GABBR2: variants seen among roughly 807,000 people sequenced by gnomAD.
GABBR2 encodes G-protein coupled receptor 51.
In GABBR2, 23 loss-of-function variants were observed where a neutral mutation model predicts 105.6. The observed-to-expected ratio is 0.22, with a 90% CI of 0.16 to 0.31. GABBR2 has a LOEUF of 0.31. Ranked by LOEUF, GABBR2 falls within the 10% of genes least tolerant of loss-of-function variation. The pLI is 1.00. For synonymous variants in GABBR2, 478 were observed against 499.7 expected (o/e 0.96, Z 0.58); for missense variants, 734 against 1,245.5 (o/e 0.59, Z 6.18).
At chr9:98,537,490 C>A (rs1400393643) in intron 3 of GABBR2, among the ~76,000 whole-genome samples, 2 of 151,950 alleles carry the variant, frequency 1.3e-5, no homozygotes, top group African/African-American at 4.8e-5. Context: ...TCACTGTCTC[C>A]CAAGTTAAAA....
rs114646811 is a variant in GABBR2, at chr9:98,352,099, T to C, written c.1893+10616A>G. On this transcript the variant is annotated intron_variant, in intron 13 of 18. Transcript: ENST00000259455. The stretch of plus-strand genomic sequence containing the variant: ...TTTCTTTGGCTGTAATCAACATCAG[T>C]GATTGCTGTGAATTTCTCAGTAGCT... Among the ~76,000 whole-genome samples, 393 of 152,330 alleles carry C rather than the reference T, an allele frequency of 2.6e-3. 2 individuals are homozygous for C. Among genetic ancestry groups the C allele is most frequent in the African/African-American group, 9.0e-3 (375 of 41,564 alleles).
At chr9:98,673,523 T>C (rs1830432417) in intron 1 of GABBR2, among the ~76,000 whole-genome samples, 1 of 151,998 alleles carries the variant, frequency 6.6e-6, no homozygotes, top group Admixed American at 6.6e-5. Flanking sequence ...TATTATACTT[T>C]ATAAGTATTT....
At chr9:98,657,616 A>C (rs1244998711) in intron 1 of GABBR2, among the ~76,000 whole-genome samples, 1 of 152,264 alleles carries the variant, frequency 6.6e-6, no homozygotes, top group Non-Finnish European at 1.5e-5. Flanking sequence ...CAACTCAGGT[A>C]ACTCAATGAT....
At chr9:98,583,172 A>G (rs1244026334) in intron 1 of GABBR2, among the ~76,000 whole-genome samples, 2 of 152,240 alleles carry the variant, frequency 1.3e-5, no homozygotes, top group Non-Finnish European at 2.9e-5. Flanking sequence ...AAAGGGAGCA[A>G]CTTTGCAGTG....
At chr9:98,321,007 A>G (rs533543484) in intron 13 of GABBR2, among the ~76,000 whole-genome samples, 9 of 152,194 alleles carry the variant, frequency 5.9e-5, no homozygotes, top group Non-Finnish European at 1.3e-4. Context: ...AAATAAAATA[A>G]AATTCAGGAA....
chr9:98,542,815 G>A (rs1221234104), intron 2 of GABBR2, among the ~76,000 whole-genome samples: 3 of 152,024 alleles, frequency 2.0e-5, no homozygotes, highest in South Asian at 2.1e-4. Context: ...GAATCATATC[G>A]CATTCATGGT....
chr9:98,614,661 C>T (rs371903828), intron 1 of GABBR2, among the ~76,000 whole-genome samples: 18 of 152,028 alleles, frequency 1.2e-4, no homozygotes, highest in African/African-American at 3.1e-4. Context: ...TGGACATGTA[C>T]ATCTGCAGTA....
intron 1 of GABBR2, among the ~76,000 whole-genome samples, chr9:98,591,455 T>G (rs1395365832): frequency 2.0e-5 from 3 of 151,950 alleles, no homozygotes; most frequent in Non-Finnish European, 4.4e-5. Flanking sequence ...ACCAGGGGAG[T>G]GCCGAGAGGG....
chr9:98,540,644 C>T lies in GABBR2; in HGVS notation c.630+1229G>A, dbSNP rs997808573. 4.6e-5 allele frequency among the ~76,000 whole-genome samples: 7 copies of T among 152,322 alleles called. No homozygotes were observed. The East Asian group carries it at 1.4e-3, about 29-fold the overall frequency. Reference sequence around the variant, plus strand: ...AGAGGCTGTGTGTCTGCCCCCACCGCTCCGGCTGAGGTCTGTCTAGACCCC... The same window carrying T: ...AGAGGCTGTGTGTCTGCCCCCACCGTTCCGGCTGAGGTCTGTCTAGACCCC... On this transcript the variant is annotated intron_variant, in intron 3 of 18. Coordinates refer to ENST00000259455, the MANE Select transcript of GABBR2 (RefSeq NM_005458.8).
intron 13 of GABBR2, among the ~76,000 whole-genome samples, chr9:98,329,641 C>G (rs77268642): frequency 6.0e-4 from 92 of 152,356 alleles, no homozygotes; most frequent in African/African-American, 2.1e-3. Flanking sequence ...GGGGCTCATT[C>G]TCTCTTGCCC....
At chr9:98,430,336 G>C (rs981821891) in intron 7 of GABBR2, among the ~76,000 whole-genome samples, 1 of 148,534 alleles carries the variant, frequency 6.7e-6, no homozygotes, top group African/African-American at 2.5e-5. Flanking sequence ...CTTAAGTTCT[G>C]TCTGGGACAT....
At position 98,388,864 on chromosome 9, in the gene GABBR2, G is replaced by A. The variant is rs1233292146; in HGVS notation, c.1519C>T (p.Arg507Trp). 1.2e-6 allele frequency: 2 copies of A among 1,612,716 alleles called. No homozygotes were observed. Among genetic ancestry groups the A allele is most frequent in the Non-Finnish European group, 1.7e-6 (2 of 1,179,274 alleles). ...ACCAGGGTGGCTTACTTCTGATTCC[G>A]GTTCTTGATGTTGAAGAAGAGAAAA... ...SAFLFFNIKNRNQKLIKMSSP... is the reference protein window; with the variant it reads ...SAFLFFNIKNWNQKLIKMSSP... Residue 507 changes from arginine (R) to tryptophan (W), a missense_variant, in exon 10 of 19, where the codon CGG becomes TGG. Around this residue, in one of 7 missense-constraint regions of GABBR2, gnomAD observed 370 missense variants for 648.9 expected, o/e 0.57. Coordinates refer to ENST00000259455, the MANE Select transcript of GABBR2 (RefSeq NM_005458.8). This position sits in a 1 kb window ranked among gnomAD's most constrained non-coding sequence, Gnocchi z 4.4.
At chr9:98,566,821 A>G (rs747969911) in intron 2 of GABBR2, among the ~76,000 whole-genome samples, 62 of 132,424 alleles carry the variant, frequency 4.7e-4, no homozygotes, top group Non-Finnish European at 8.3e-4. Flanking sequence ...AAAAAAAAAA[A>G]GGCGACAAAG....
intron 7 of GABBR2, among the ~76,000 whole-genome samples, chr9:98,406,566 G>T (rs1036895828): frequency 1.3e-5 from 2 of 152,238 alleles, no homozygotes; most frequent in African/African-American, 4.8e-5. Flanking sequence ...TGCTGAGTCT[G>T]CTTGGCTTCA....
rs1002089956 is a variant in GABBR2, at chr9:98,534,291, C to A, written c.630+7582G>T. On this transcript the variant is annotated intron_variant, in intron 3 of 18. Transcript: ENST00000259455. ...ACAGAAAGGTCAGCTTCAGAAGCCT[C>A]GAGATCACTGAGGACCAGTGACTAG... is the stretch of plus-strand genomic sequence containing the variant. Among the ~76,000 whole-genome samples the A allele has an allele frequency of 4.7e-5, 6 of 127,298 alleles. No individual in the cohort carries two copies. In the South Asian group the frequency reaches 1.6e-3, roughly 34 times the overall value. The allele number at this position is 127,298 out of a possible 152,430, so 83.5% of individuals were successfully genotyped here. A position where few individuals can be genotyped will look rare whatever the true frequency, so the allele number is the denominator to read the frequency against.
chr9:98,362,672 G>T, intron 13 of GABBR2, 43 bp downstream of exon 13: 4 of 1,451,902 alleles, frequency 2.8e-6, no homozygotes, highest in Non-Finnish European at 3.6e-6. Context: ...TGTGCCAGGG[G>T]CTGCATCTGC....
At chr9:98,668,830 T>C (rs1451549377) in intron 1 of GABBR2, among the ~76,000 whole-genome samples, 1 of 152,186 alleles carries the variant, frequency 6.6e-6, no homozygotes, top group Non-Finnish European at 1.5e-5. Context: ...CTCATCCATG[T>C]TGTAGCATAT....
At chr9:98,577,576 G>A (rs914834409) in intron 2 of GABBR2, among the ~76,000 whole-genome samples, 15 of 152,194 alleles carry the variant, frequency 9.9e-5, no homozygotes, top group Non-Finnish European at 1.9e-4. Flanking sequence ...GCGCATGTGT[G>A]GAAAGGCAGG....
intron 1 of GABBR2, among the ~76,000 whole-genome samples, chr9:98,641,369 C>T (rs1294122721): frequency 6.6e-6 from 1 of 151,202 alleles, no homozygotes; most frequent in Non-Finnish European, 1.5e-5. Flanking sequence ...AACTCCTGAC[C>T]TCAGGTGATC....
Sources: gnomAD v4.1 joint callset for allele counts (sites outside exome capture counted in the v4.1 genomes callset) on GRCh38, gnomAD v4.1.1 for gene constraint, gnomAD v4.1.1 regional missense constraint, Gnocchi (gnomAD v3.1) non-coding constraint, MANE v1.5 for transcripts, NCBI Gene and HGNC (gene_info 2026-07-23, HGNC 2026-07-21) for gene names.